Variants in ARHGEF12 observed in about 807,000 individuals in gnomAD.
ARHGEF12 encodes the protein Rho guanine nucleotide exchange factor 12.
Under a neutral mutation model 211.2 loss-of-function variants are expected in ARHGEF12, and 66 were observed. That is an observed-to-expected ratio of 0.31 (90% CI 0.26 to 0.38). The LOEUF (loss-of-function observed/expected upper bound fraction) is 0.38. ARHGEF12 is among the 10% of genes least tolerant of loss of function. ARHGEF12 has a pLI of 1.00. For synonymous variants in ARHGEF12, 592 were observed against 638.4 expected (o/e 0.93, Z 1.09); for missense variants, 1,429 against 1,869.5 (o/e 0.76, Z 4.34).
At chr11:120,372,173 T>G (rs898061640) in intron 1 of ARHGEF12, among the ~76,000 whole-genome samples, 2 of 152,218 alleles carry the variant, frequency 1.3e-5, no homozygotes, top group African/African-American at 4.8e-5. Flanking sequence ...GATAAAGTAA[T>G]AGTAACTATA....
chr11:120,409,153 T>A (rs1944807354), intron 3 of ARHGEF12: 4 of 503,448 alleles, frequency 7.9e-6, no homozygotes, highest in Non-Finnish European at 1.4e-5. Context: ...TGTATACTAT[T>A]CATGTGTTGT....
In ARHGEF12 at chr11:120,446,971, C is replaced by A; in HGVS notation, c.1475C>A (p.Thr492Asn). The change falls in exon 18 of 41, where the codon ACC (threonine) becomes AAC (asparagine). Residue 492 changes from threonine (T) to asparagine (N), a missense_variant. By Grantham distance (65) the Thr-to-Asn change is moderately conservative. Around this residue, in one of 7 missense-constraint regions of ARHGEF12, gnomAD observed 373 missense variants for 467.5 expected, o/e 0.80. Coordinates refer to ENST00000397843, the MANE Select transcript of ARHGEF12 (RefSeq NM_015313.3). The part of the protein sequence containing the change: ...DFRQKRSMGL[T>N]LAESELTKLD... ...AGGCAGAAACGTAGTATGGGACTGA[C>A]CTTGGCTGAAAGCGAGCTGACTAAA... The A allele has an allele frequency of 6.2e-7, 1 of 1,614,138 alleles. No individual in the cohort carries two copies. The highest frequency in any genetic ancestry group is 8.5e-7 in the Non-Finnish European group (1 of 1,180,010).
In ARHGEF12 at chr11:120,437,321, G is replaced by A; in HGVS notation, c.938G>A (p.Gly313Asp). ...SSDNADSPKS[G>D]PKERIYLEEN... Reference sequence around the variant, plus strand: ...TTTTTTCATTAGAGTCCCAAGAGTGGCCCAAAAGAGAGAATTTATCTAGAG... The same window carrying A: ...TTTTTTCATTAGAGTCCCAAGAGTGACCCAAAAGAGAGAATTTATCTAGAG... Residue 313 changes from glycine (G) to aspartate (D), a missense_variant, in exon 12 of 41, where the codon GGC becomes GAC. Gly to Asp is a moderately conservative substitution (Grantham distance 94). Transcript: ENST00000397843. 6.2e-7 allele frequency: 1 copy of A among 1,612,080 alleles called. No homozygotes were observed. Among genetic ancestry groups the A allele is most frequent in the East Asian group, 2.2e-5 (1 of 44,692 alleles).
intron 20 of ARHGEF12, 34 bp from the exon 21 acceptor site, chr11:120,449,075 T>TA (rs1389918683): frequency 1.4e-5 from 22 of 1,570,342 alleles, no homozygotes; most frequent in Non-Finnish European, 1.9e-5. Flanking sequence ...TTTACTCTGT[T>TA]ACGTATCTCT....
chr11:120,448,311 A>G lies in ARHGEF12; in HGVS notation c.1700A>G (p.His567Arg). The change falls in exon 20 of 41, where the codon CAC (histidine) becomes CGC (arginine). Residue 567 changes from histidine (H) to arginine (R), a missense_variant. This residue lies in a region of ARHGEF12 where 373 missense variants were observed against 467.5 expected (regional missense o/e 0.80). Coordinates refer to ENST00000397843, the MANE Select transcript of ARHGEF12 (RefSeq NM_015313.3). ...GTGAAAGAGCCTCGAAATTTGGAGC[A>G]CAAACGGGGTCGGATTGGATTTCTT... ...VKVKEPRNLE[H>R]KRGRIGFLPK... 1 of 1,614,172 alleles carries G rather than the reference A, an allele frequency of 6.2e-7. No individual in the cohort carries two copies. Among genetic ancestry groups the G allele is most frequent in the Non-Finnish European group, 8.5e-7 (1 of 1,180,008 alleles).
intron 25 of ARHGEF12, chr11:120,458,441 G>A (rs1946428242): frequency 1.9e-6 from 1 of 524,850 alleles, no homozygotes; most frequent in Non-Finnish European, 3.3e-6. Flanking sequence ...AGGAAAATGT[G>A]TTAAGCCTTA....
intron 39 of ARHGEF12, among the ~76,000 whole-genome samples, chr11:120,483,537 C>T (rs1192793873): frequency 6.6e-6 from 1 of 152,098 alleles, no homozygotes; most frequent in African/African-American, 2.4e-5. Context: ...GATTCTCCTG[C>T]CTCAGCTTCC....
chr11:120,412,750 C>T (rs1183803815), intron 4 of ARHGEF12, among the ~76,000 whole-genome samples: 2 of 152,148 alleles, frequency 1.3e-5, no homozygotes, highest in East Asian at 1.9e-4. Flanking sequence ...AGCTGGAAAT[C>T]AGTCTTCCTC....
chr11:120,390,124 C>T (rs1044409765), intron 1 of ARHGEF12, among the ~76,000 whole-genome samples: 4 of 152,136 alleles, frequency 2.6e-5, no homozygotes, highest in African/African-American at 9.7e-5. Flanking sequence ...TTTATTCGCA[C>T]ACCTGGGTAG....
chr11:120,461,442 G>A (rs1946526943), intron 27 of ARHGEF12, among the ~76,000 whole-genome samples: 1 of 151,968 alleles, frequency 6.6e-6, no homozygotes, highest in South Asian at 2.1e-4. Context: ...TAACAGACAT[G>A]CTGTCATCTA....
chr11:120,482,132 GT>G (rs1947263255), intron 39 of ARHGEF12, among the ~76,000 whole-genome samples: 1 of 152,200 alleles, frequency 6.6e-6, no homozygotes, highest in South Asian at 2.1e-4. Context: ...TTGTATGGGT[GT>G]CTAAGTTTAA....
chr11:120,453,240 T>C (rs1048427288), intron 22 of ARHGEF12, among the ~76,000 whole-genome samples: 19 of 152,182 alleles, frequency 1.2e-4, no homozygotes, highest in Admixed American at 4.6e-4. Context: ...TTGTCAAATA[T>C]GGAACTCTGA....
chr11:120,481,900 C>T (rs1037735317), intron 39 of ARHGEF12, among the ~76,000 whole-genome samples: 6 of 152,032 alleles, frequency 3.9e-5, no homozygotes, highest in African/African-American at 1.4e-4. Context: ...GCTGGGACTA[C>T]AGGCACCCGC....
chr11:120,458,154 C>G lies in ARHGEF12; in HGVS notation c.2300C>G (p.Pro767Arg). 1 of 1,611,424 alleles carries G rather than the reference C, an allele frequency of 6.2e-7. No individual in the cohort carries two copies. The highest frequency in any genetic ancestry group is 8.5e-7 in the Non-Finnish European group (1 of 1,179,418). The change falls in exon 25 of 41, where the codon CCC becomes CGC. Residue 767 changes from proline (P) to arginine (R), a missense_variant. Pro to Arg is a moderately radical substitution (Grantham distance 103). Around this residue, in one of 7 missense-constraint regions of ARHGEF12, gnomAD observed 373 missense variants for 467.5 expected, o/e 0.80. Coordinates refer to ENST00000397843, the MANE Select transcript of ARHGEF12 (RefSeq NM_015313.3). ...GAAAATGACTTAGAGACAGATCCACCCAACTGGCAGCAGCTTGTTAGTCGA... is the reference window on the plus strand; with the variant it reads ...GAAAATGACTTAGAGACAGATCCACGCAACTGGCAGCAGCTTGTTAGTCGA... ...QFENDLETDP[P>R]NWQQLVSREV... is the part of the protein sequence containing the mutation.
At chr11:120,361,156 A>ACGG (rs1220508150) in intron 1 of ARHGEF12, among the ~76,000 whole-genome samples, 4 of 152,242 alleles carry the variant, frequency 2.6e-5, no homozygotes, top group Admixed American at 2.0e-4. Context: ...AGCCATCTAA[A>ACGG]GTAGTTTATA....
Position 120,485,159 on chromosome 11 carries a change from A to T in ARHGEF12, c.*82A>T, listed in dbSNP as rs546096464. ...TCACCACATCCTGGCTCCAGTGTGG[A>T]TGCAGAGAGAGTGTGACAGAGGATC... On this transcript the variant is annotated 3_prime_UTR_variant, in exon 41 of 41. Coordinates refer to ENST00000397843, the MANE Select transcript of ARHGEF12 (RefSeq NM_015313.3). 2.6e-6 allele frequency: 4 copies of T among 1,561,226 alleles called. No homozygotes were observed. The highest frequency in any genetic ancestry group is 2.2e-5 in the East Asian group (1 of 44,574).
intron 1 of ARHGEF12, among the ~76,000 whole-genome samples, chr11:120,351,438 TA>T (rs1942954572): frequency 5.4e-4 from 2 of 3,694 alleles, no homozygotes; most frequent in African/African-American, 3.4e-3. Flanking sequence ...TATATATATA[TA>T]TATATATATA....
At chr11:120,429,567 G>A (rs771270266) in intron 9 of ARHGEF12, 50 bp downstream of exon 9, 1 of 1,591,312 alleles carries the variant, frequency 6.3e-7, no homozygotes, top group South Asian at 1.1e-5. Context: ...AATGTGAGTG[G>A]GCATGGTTGA....
At chr11:120,437,596 G>A (rs888276003) in intron 12 of ARHGEF12, among the ~76,000 whole-genome samples, 2 of 152,040 alleles carry the variant, frequency 1.3e-5, no homozygotes, top group Non-Finnish European at 2.9e-5. Flanking sequence ...TGTCGTGGTG[G>A]TAACATAAAA....
Sources: allele counts gnomAD v4.1 joint callset (sites outside exome capture counted in the v4.1 genomes callset), GRCh38; gene constraint gnomAD v4.1.1; regional missense constraint gnomAD v4.1.1; transcripts MANE v1.5; gene names NCBI Gene and HGNC (gene_info 2026-07-23, HGNC 2026-07-21).